The following MAP3K13 variants were observed in gnomAD, a reference collection of about 807,000 sequenced individuals.
MAP3K13 encodes mitogen-activated protein kinase kinase kinase 13, also known as leucine zipper-bearing kinase.
MAP3K13 carries 52 observed loss-of-function variants against 104.0 expected under a neutral mutation model. The ratio of observed to expected loss-of-function variants is 0.50; its 90% CI spans 0.40 to 0.63. The LOEUF is 0.63. Ranked by LOEUF, MAP3K13 falls within the 20% of genes least tolerant of loss-of-function variation. MAP3K13 has a pLI of 0.00. For synonymous variants in MAP3K13, 394 were observed against 442.2 expected (o/e 0.89, Z 1.37); for missense variants, 914 against 1,218.5 (o/e 0.75, Z 3.72).
intron 1 of MAP3K13, among the ~76,000 whole-genome samples, chr3:185,421,610 C>T (rs1186022713): frequency 6.6e-6 from 1 of 152,186 alleles, no homozygotes; most frequent in Non-Finnish European, 1.5e-5. Flanking sequence ...TGCCCCACTT[C>T]CTTTCTGTCT....
chr3:185,452,968 G>C (rs1330300086), intron 7 of MAP3K13, among the ~76,000 whole-genome samples: 2 of 152,160 alleles, frequency 1.3e-5, no homozygotes, highest in African/African-American at 2.4e-5. Flanking sequence ...CTCTTGACAA[G>C]AGAATCTGCC....
At position 185,380,722 on chromosome 3, in the gene MAP3K13, A is replaced by G. The variant is rs1288912606; in HGVS notation, c.-86+17354A>G. On this transcript the variant is annotated intron_variant, in intron 1 of 13. Transcript: ENST00000265026. The stretch of plus-strand genomic sequence containing the variant: ...CCTGCAGATTTTGCTAAAAAAACAA[A>G]TTCTGATCGCTTGGCCTGGAATGAT... 2.0e-5 allele frequency among the ~76,000 whole-genome samples: 3 copies of G among 152,106 alleles called. No homozygotes were observed. The South Asian group carries it at 6.2e-4, about 32-fold the overall frequency.
chr3:185,363,457 C>A, intron 1 of MAP3K13, 89 bp downstream of exon 1: 1 of 704,016 alleles, frequency 1.4e-6, no homozygotes, highest in Non-Finnish European at 1.7e-6. Context: ...GATTAGAAAG[C>A]TGATATTATT....
intron 1 of MAP3K13, among the ~76,000 whole-genome samples, chr3:185,374,604 A>G (rs1404826017): frequency 6.6e-6 from 1 of 152,174 alleles, no homozygotes; most frequent in Non-Finnish European, 1.5e-5. Flanking sequence ...ATCCAATTAG[A>G]GTGTCCAAGG....
At chr3:185,464,615 A>C (rs1430463849) in intron 8 of MAP3K13, among the ~76,000 whole-genome samples, 1 of 152,230 alleles carries the variant, frequency 6.6e-6, no homozygotes, top group Non-Finnish European at 1.5e-5. Flanking sequence ...CCAGCCATGC[A>C]AAACTGTGAG....
Position 185,428,705 on chromosome 3 carries a change from C to T in MAP3K13, c.124C>T (p.Leu42=). 6.2e-7 allele frequency: 1 copy of T among 1,614,202 alleles called. No individual in the cohort carries two copies. The highest frequency in any genetic ancestry group is 8.5e-7 in the Non-Finnish European group (1 of 1,180,024). The change falls in exon 2 of 14, where the codon CTG becomes TTG. Residue 42 remains leucine, a synonymous_variant. Coordinates refer to ENST00000265026, the MANE Select transcript of MAP3K13 (RefSeq NM_004721.5). ...TATGGGGAACCACCCTTCTCCCAAG[C>T]TGCTCGAGGACCAGCAGGAAAAGGG... ...TAMGNHPSPK[L]LEDQQEKGMV...
chr3:185,372,274 C>G (rs1441230421), intron 1 of MAP3K13, among the ~76,000 whole-genome samples: 2 of 152,226 alleles, frequency 1.3e-5, no homozygotes, highest in Non-Finnish European at 2.9e-5. Context: ...AGCCCATTTA[C>G]AAAGACATTT....
rs71162293 is a variant in MAP3K13 at position 185,329,893 on chromosome 3, C to CTTT, written c.-86+44269_-86+44271dup. ...ATAAAAGGTCGAATTAGCCAGTAGC[C>CTTT]TTTTTTTTTTTTTTTTTTTTTGAGA... is the stretch of plus-strand genomic sequence containing the variant. On this transcript the variant is annotated intron_variant, in intron 2 of 14. Coordinates refer to the MAP3K13 transcript ENST00000424227. 7.3e-3 allele frequency among the ~76,000 whole-genome samples: 765 copies of CTTT among 104,580 alleles called. 20 individuals carry two copies. Among genetic ancestry groups the CTTT allele is most frequent in the East Asian group, 8.8e-3 (31 of 3,524 alleles). 68.6% of individuals were successfully genotyped at this position (104,580 alleles called of 152,430 possible).
intron 7 of MAP3K13, among the ~76,000 whole-genome samples, chr3:185,462,511 G>A (rs1390890139): frequency 6.6e-6 from 1 of 152,156 alleles, no homozygotes; most frequent in Non-Finnish European, 1.5e-5. Flanking sequence ...GGTGGCTCAT[G>A]CCTGTAATCC....
At chr3:185,285,640 A>G in exon 2 of MAP3K13, 1 of 1,534,840 alleles carries the variant, frequency 6.5e-7, no homozygotes, top group East Asian at 2.4e-5. Flanking sequence ...GCACTCTGGG[A>G]GAGGTAAGTA....
chr3:185,418,879 T>C lies in MAP3K13; in HGVS notation c.-85-9618T>C. On this transcript the variant is annotated intron_variant, in intron 1 of 13. Transcript: ENST00000265026. This position sits in a 1 kb window ranked among gnomAD's most constrained non-coding sequence, Gnocchi z 4.5. Reference sequence around the variant, plus strand: ...CTGTTTTGGGTTTCAGTTCTCTTAATCATGATCATTCTGCCTTTTCTAGAA... The same window carrying C: ...CTGTTTTGGGTTTCAGTTCTCTTAACCATGATCATTCTGCCTTTTCTAGAA... 1 of 1,245,872 alleles carries C rather than the reference T, an allele frequency of 8.0e-7. No individual in the cohort carries two copies. Among genetic ancestry groups the C allele is most frequent in the Admixed American group, 2.7e-5 (1 of 36,718 alleles). 77.2% of individuals were successfully genotyped at this position (1,245,872 alleles called of 1,614,324 possible). A position where few individuals can be genotyped will look rare whatever the true frequency, so the allele number is the denominator to read the frequency against.
chr3:185,375,678 T>C (rs2108753723), intron 1 of MAP3K13, among the ~76,000 whole-genome samples: 1 of 152,320 alleles, frequency 6.6e-6, no homozygotes, highest in East Asian at 1.9e-4. Flanking sequence ...GCTGCTTTTT[T>C]AGCTATCTTA....
chr3:185,305,125 G>C (rs1721247838), intron 2 of MAP3K13, among the ~76,000 whole-genome samples: 1 of 152,120 alleles, frequency 6.6e-6, no homozygotes, highest in Non-Finnish European at 1.5e-5. Context: ...TGTTAGGGAA[G>C]GACTTACTAT....
intron 2 of MAP3K13, among the ~76,000 whole-genome samples, chr3:185,430,215 T>G (rs1714666387): frequency 6.6e-6 from 1 of 152,156 alleles, no homozygotes; most frequent in African/African-American, 2.4e-5. Flanking sequence ...AAAATTAAGT[T>G]TTTAACTCCC....
rs960613686 is a variant in MAP3K13 at position 185,343,283 on chromosome 3, C to T, written c.-86+57640C>T. On this transcript the variant is annotated intron_variant, in intron 2 of 14. Transcript: ENST00000424227. ...AGAAGGTAAGGATCATGAGGGGCAC[C>T]TTAAGAGTTTGTCTGCCATAATGGG... 2.0e-5 allele frequency among the ~76,000 whole-genome samples: 3 copies of T among 152,112 alleles called. No homozygotes were observed. The East Asian group carries it at 5.8e-4, about 29-fold the overall frequency.
At chr3:185,323,429 C>T (rs994237918) in intron 2 of MAP3K13, among the ~76,000 whole-genome samples, 2 of 151,624 alleles carry the variant, frequency 1.3e-5, no homozygotes, top group Non-Finnish European at 2.9e-5. Context: ...CTCCACCTCC[C>T]GGGTTCAAGC....
chr3:185,482,335 GT>G lies in MAP3K13; in HGVS notation c.2800-16del. The G allele has an allele frequency of 6.4e-7, 1 of 1,559,348 alleles. No individual in the cohort carries two copies. Among genetic ancestry groups the G allele is most frequent in the Non-Finnish European group, 8.8e-7 (1 of 1,130,048 alleles). ...TGAGTGATTATCGAAATGAATTAAG[GT>G]TTTGTCTTGCCTTTGCAGAACCCCA... On this transcript the variant is annotated intron_variant, in intron 13 of 13. Transcript: ENST00000265026. The surrounding 1 kb of genome is among the most constrained non-coding windows in gnomAD (Gnocchi z 4.5).
intron 7 of MAP3K13, among the ~76,000 whole-genome samples, chr3:185,453,746 G>C (rs1243982651): frequency 6.8e-6 from 1 of 148,090 alleles, no homozygotes; most frequent in Non-Finnish European, 1.5e-5. Flanking sequence ...TCCACCCTGG[G>C]GGACAAAGCG....
intron 2 of MAP3K13, among the ~76,000 whole-genome samples, chr3:185,313,552 A>G (rs1161676229): frequency 6.6e-6 from 1 of 152,112 alleles, no homozygotes; most frequent in Non-Finnish European, 1.5e-5. Context: ...TACAGGCATG[A>G]GCCACTGCAC....
Sources: gnomAD v4.1 joint callset for allele counts (sites outside exome capture counted in the v4.1 genomes callset) on GRCh38, gnomAD v4.1.1 for gene constraint, Gnocchi (gnomAD v3.1) non-coding constraint, MANE v1.5 for transcripts, NCBI Gene and HGNC (gene_info 2026-07-23, HGNC 2026-07-21) for gene names.